Variants in ARPC2 observed in about 807,000 individuals in gnomAD.
ARPC2 encodes actin related protein 2/3 complex subunit 2.
A neutral mutation model predicts 38.6 loss-of-function variants in ARPC2; 4 were observed. That is an observed-to-expected ratio of 0.10 (90% confidence interval 0.05 to 0.24). The LOEUF (loss-of-function observed/expected upper bound fraction) is 0.24. Among genes scored for constraint, ARPC2 ranks in the 10% least tolerant of loss-of-function variants. The pLI is 1.00. For synonymous variants in ARPC2, 125 were observed against 140.8 expected (o/e 0.89, Z 0.79); for missense variants, 229 against 387.3 (o/e 0.59, Z 3.43).
chr2:218,251,158 A>G (rs1441060650), intron 10 of ARPC2, among the ~76,000 whole-genome samples: 1 of 151,822 alleles, frequency 6.6e-6, no homozygotes, highest in African/African-American at 2.4e-5. Context: ...CCTCACAGCC[A>G]GTGTTATTTG....
chr2:218,253,876 T>C lies in ARPC2; in HGVS notation c.879-15T>C, dbSNP rs376602743. On this transcript the variant is annotated splice_polypyrimidine_tract_variant and intron_variant, in intron 10 of 10. Coordinates refer to ENST00000315717, the MANE Select transcript of ARPC2 (RefSeq NM_152862.3). ...AGCCAGAAACTGACCTTCGCACTTATCTCTCCTTTTGAAGGGGGAAGACGT... is the reference window on the plus strand; with the variant it reads ...AGCCAGAAACTGACCTTCGCACTTACCTCTCCTTTTGAAGGGGGAAGACGT... 6.2e-5 allele frequency: 100 copies of C among 1,613,720 alleles called. No homozygotes were observed. The highest frequency in any genetic ancestry group is 5.3e-4 in the East Asian group (24 of 44,892).
chr2:218,245,614 G>T, intron 8 of ARPC2, 68 bp downstream of exon 8: 9 of 1,584,362 alleles, frequency 5.7e-6, no homozygotes, highest in Non-Finnish European at 7.7e-6. Flanking sequence ...ACCTAAATCT[G>T]CACAGAACCT....
In ARPC2 at chr2:218,217,220, C is replaced by A; in HGVS notation, c.-43C>A. 2.3e-6 allele frequency: 1 copy of A among 443,516 alleles called. No individual in the cohort carries two copies. The highest frequency in any genetic ancestry group is 3.9e-6 in the Non-Finnish European group (1 of 253,394). 27.5% of individuals were successfully genotyped at this position (443,516 alleles called of 1,614,324 possible). ...GAAGCGGCAGTGGCGGCGGCGGCGG[C>A]GGCTCGGCAGGCGGGTTCAGGCTTC... is the stretch of plus-strand genomic sequence containing the variant. On this transcript the variant is annotated 5_prime_UTR_variant, in exon 1 of 11. Coordinates refer to ENST00000315717, the MANE Select transcript of ARPC2 (RefSeq NM_152862.3).
intron 6 of ARPC2, 175 bp from the exon 7 acceptor site, chr2:218,239,216 G>A: frequency 1.7e-6 from 1 of 600,670 alleles, no homozygotes; most frequent in South Asian, 2.1e-5. Context: ...CTCTCTTAGG[G>A]CATTCATTTT....
rs940433014 is a variant in ARPC2 at position 218,226,039 on chromosome 2, A to G, written c.109+85A>G. 7.9e-6 allele frequency: 11 copies of G among 1,394,942 alleles called. No homozygotes were observed. The African/African-American group carries it at 1.4e-4, about 18-fold the overall frequency. 86.4% of individuals were successfully genotyped at this position (1,394,942 alleles called of 1,614,324 possible). A position where few individuals can be genotyped will look rare whatever the true frequency, so the allele number is the denominator to read the frequency against. On this transcript the variant is annotated intron_variant, in intron 3 of 10. Transcript: ENST00000315717. Reference sequence around the variant, plus strand: ...GCTGGGTGCAGTGGCACATGCCTGTAATCCCAGCACTTTGGGAGTCCGAGG... The same window carrying G: ...GCTGGGTGCAGTGGCACATGCCTGTGATCCCAGCACTTTGGGAGTCCGAGG...
intron 3 of ARPC2, 135 bp from the exon 4 acceptor site, chr2:218,228,603 A>G (rs1051203965): frequency 1.9e-6 from 1 of 537,182 alleles, no homozygotes; most frequent in Non-Finnish European, 3.4e-6. Flanking sequence ...TGTCACATGG[A>G]TTTAAAATAA....
At chr2:218,225,895 T>C (rs771219471) in intron 2 of ARPC2, 25 bp from the exon 3 acceptor site, 11 of 1,612,982 alleles carry the variant, frequency 6.8e-6, no homozygotes, top group African/African-American at 1.3e-5. Context: ...TCATCTTAAC[T>C]GAGGACCTTT....
chr2:218,235,788 G>C (rs1209889877), intron 5 of ARPC2: 1 of 152,210 alleles, frequency 6.6e-6, no homozygotes, highest in African/African-American at 2.4e-5. Context: ...ATGTAAAAGT[G>C]TGTGAAAGTA....
At chr2:218,238,933 A>G (rs917762671) in intron 6 of ARPC2, 83 bp downstream of exon 6, 15 of 1,134,010 alleles carry the variant, frequency 1.3e-5, no homozygotes, top group East Asian at 2.5e-5. Flanking sequence ...GGCTTGGTCA[A>G]ACTTTCAGCT....
At chr2:218,247,573 C>T (rs1022063495) in intron 8 of ARPC2, among the ~76,000 whole-genome samples, 1 of 152,104 alleles carries the variant, frequency 6.6e-6, no homozygotes, top group African/African-American at 2.4e-5. Flanking sequence ...AAACAATTCT[C>T]GTGCCTCAGC....
At chr2:218,243,279 TC>T (rs1322242560) in intron 7 of ARPC2, among the ~76,000 whole-genome samples, 1 of 152,236 alleles carries the variant, frequency 6.6e-6, no homozygotes, top group African/African-American at 2.4e-5. Flanking sequence ...ATTCCGAACT[TC>T]CTATGATAAA....
intron 3 of ARPC2, among the ~76,000 whole-genome samples, chr2:218,226,626 C>CAAAA (rs34789459): frequency 2.8e-4 from 17 of 61,460 alleles, no homozygotes; most frequent in South Asian, 1.8e-3. Flanking sequence ...GACTCCATCT[C>CAAAA]AAAAAAAAAA....
In ARPC2 at chr2:218,242,541, T is replaced by C. The variant is rs555559571; in HGVS notation, c.550-2879T>C. ...GGATATTTTCCTGAACTGGGAACACTGAGTCCAAGTCAGTAATTTTGGTAG... is the reference window on the plus strand; with the variant it reads ...GGATATTTTCCTGAACTGGGAACACCGAGTCCAAGTCAGTAATTTTGGTAG... On this transcript the variant is annotated intron_variant, in intron 7 of 10. Coordinates refer to ENST00000315717, the MANE Select transcript of ARPC2 (RefSeq NM_152862.3). Among the ~76,000 whole-genome samples the C allele has an allele frequency of 2.6e-5, 4 of 152,306 alleles. No homozygotes were observed. The East Asian group carries it at 7.7e-4, about 29-fold the overall frequency.
At chr2:218,219,051 C>T (rs754129813) in intron 2 of ARPC2, among the ~76,000 whole-genome samples, 20 of 152,178 alleles carry the variant, frequency 1.3e-4, no homozygotes, top group Non-Finnish European at 2.4e-4. Context: ...TTAACTTCTG[C>T]ATTTTCATAA....
In ARPC2 at chr2:218,245,512, C is replaced by T. The variant is rs112978567; in HGVS notation, c.642C>T (p.Ala214=). Reference sequence around the variant, plus strand: ...CTCTGGAGCTGAAAGACACAGACGCCGCTGTGGGTGACAACATTGGCTACA... The same window carrying T: ...CTCTGGAGCTGAAAGACACAGACGCTGCTGTGGGTGACAACATTGGCTACA... ...EPPLELKDTD[A]AVGDNIGYIT... The change falls in exon 8 of 11, where the codon GCC becomes GCT. Residue 214 remains alanine, a synonymous_variant. Coordinates refer to ENST00000315717, the MANE Select transcript of ARPC2 (RefSeq NM_152862.3). 3.1e-6 allele frequency: 5 copies of T among 1,614,062 alleles called. No individual in the cohort carries two copies. The highest frequency in any genetic ancestry group is 2.2e-5 in the East Asian group (1 of 44,896).
At chr2:218,231,145 T>C (rs917279003) in intron 4 of ARPC2, among the ~76,000 whole-genome samples, 12 of 152,126 alleles carry the variant, frequency 7.9e-5, no homozygotes, top group African/African-American at 2.9e-4. Flanking sequence ...TCACAGGCCA[T>C]TTTTAAAGGT....
At chr2:218,230,153 A>G (rs1689595483) in intron 4 of ARPC2, among the ~76,000 whole-genome samples, 1 of 151,396 alleles carries the variant, frequency 6.6e-6, no homozygotes, top group African/African-American at 2.4e-5. Context: ...TGTACTTTTC[A>G]TAGAGATGGC....
intron 4 of ARPC2, among the ~76,000 whole-genome samples, chr2:218,232,546 ATTTTTTTTTT>A (rs71064418): frequency 8.4e-5 from 7 of 83,150 alleles, no homozygotes; most frequent in Non-Finnish European, 1.4e-4. Flanking sequence ...GCCAGACTCA[ATTTTTTTTTT>A]TTTTTTTTTT....
intron 2 of ARPC2, among the ~76,000 whole-genome samples, chr2:218,219,461 T>G (rs1689336044): frequency 6.6e-6 from 1 of 151,980 alleles, no homozygotes; most frequent in African/African-American, 2.4e-5. Flanking sequence ...GTGAGTCTCA[T>G]GTCTCGGCTT....
Sources: gnomAD v4.1 joint callset for allele counts (sites outside exome capture counted in the v4.1 genomes callset) on GRCh38, gnomAD v4.1.1 for gene constraint, MANE v1.5 for transcripts, NCBI Gene and HGNC (gene_info 2026-07-23, HGNC 2026-07-21) for gene names.